OR7E24: variants seen among roughly 807,000 people sequenced by gnomAD.
OR7E24 encodes the protein olfactory receptor 7E24.
For synonymous variants in OR7E24, 130 were observed against 157.5 expected (o/e 0.83, Z 1.31); for missense variants, 385 against 410.3 (o/e 0.94, Z 0.53).
chr19:9,220,175 C>G, the OR7E24 span, among the ~76,000 whole-genome samples: 1 of 152,050 alleles, frequency 6.6e-6, no homozygotes, highest in Non-Finnish European at 1.5e-5. Context: ...CTCACAGAGT[C>G]GTTATCCTGG....
the OR7E24 span, among the ~76,000 whole-genome samples, chr19:9,215,465 G>A: frequency 6.6e-6 from 1 of 151,628 alleles, no homozygotes; most frequent in Non-Finnish European, 1.5e-5. Flanking sequence ...AATAATTAAA[G>A]GTATGTCATG....
the OR7E24 span, among the ~76,000 whole-genome samples, chr19:9,221,141 G>A: frequency 1.3e-5 from 2 of 150,766 alleles, no homozygotes; most frequent in Non-Finnish European, 3.0e-5. Context: ...GCGTGGTGGC[G>A]GGCGCCTGTA....
At chr19:9,226,653 T>G in the OR7E24 span, among the ~76,000 whole-genome samples, 1 of 152,230 alleles carries the variant, frequency 6.6e-6, no homozygotes, top group African/African-American at 2.4e-5. Context: ...GGCTAGCAGA[T>G]ATTTAAGAAT....
chr19:9,213,988 T>C, the OR7E24 span: 6 of 1,614,086 alleles, frequency 3.7e-6, no homozygotes, highest in Non-Finnish European at 4.2e-6. Flanking sequence ...GGGTTCAGCA[T>C]GGGGGTGACC....
the OR7E24 span, chr19:9,219,731 C>T: frequency 9.2e-5 from 14 of 152,198 alleles, no homozygotes; most frequent in Non-Finnish European, 1.6e-4. Context: ...TTTCTTCCCA[C>T]TCTCCAAAGA....
At chr19:9,214,844 G>A in the OR7E24 span, 1 of 1,569,680 alleles carries the variant, frequency 6.4e-7, no homozygotes, top group Non-Finnish European at 8.7e-7. Flanking sequence ...CCATGTAGCT[G>A]TTGTGTCTGC....
At chr19:9,207,308 T>C in the OR7E24 span, 3 of 152,336 alleles carry the variant, frequency 2.0e-5, no homozygotes, top group Non-Finnish European at 4.4e-5. Flanking sequence ...GTTTTCTTTC[T>C]TTTTTTATGA....
the OR7E24 span, chr19:9,208,729 T>C: frequency 1.4e-5 from 2 of 147,248 alleles, no homozygotes; most frequent in Admixed American, 6.8e-5. Context: ...TCTTGCTCTG[T>C]TGCCCAGGCT....
chr19:9,237,337 G>C, the OR7E24 span, among the ~76,000 whole-genome samples: 1 of 151,292 alleles, frequency 6.6e-6, no homozygotes. Flanking sequence ...TTGAGACGGA[G>C]TCTCGCTCTG....
chr19:9,241,005 A>C, the OR7E24 span, among the ~76,000 whole-genome samples: 1 of 151,950 alleles, frequency 6.6e-6, no homozygotes, highest in Non-Finnish European at 1.5e-5. Flanking sequence ...TTTGATGGAG[A>C]TGGGGTTTCA....
the OR7E24 span, among the ~76,000 whole-genome samples, chr19:9,227,010 C>T: frequency 6.6e-6 from 1 of 152,010 alleles, no homozygotes; most frequent in African/African-American, 2.4e-5. Context: ...AGCCTAGTAC[C>T]CATTAGTTAT....
chr19:9,221,349 T>C, the OR7E24 span, among the ~76,000 whole-genome samples: 22 of 82,808 alleles, frequency 2.7e-4, no homozygotes, highest in African/African-American at 1.1e-3. Flanking sequence ...CCTTTTTTTT[T>C]TTTTTTTTTT....
chr19:9,250,925 G>C (rs1340943874), upstream of OR7E24: 1 of 724,686 alleles, frequency 1.4e-6, no homozygotes. Context: ...TAACTCTAAG[G>C]AAATTGGGTT....
At position 9,252,231 on chromosome 19, in the gene OR7E24, C is replaced by T; in HGVS notation, c.*168C>T. On this transcript the variant is annotated 3_prime_UTR_variant, in exon 1 of 1. Coordinates refer to ENST00000456448, the MANE Select transcript of OR7E24 (RefSeq NM_001079935.2). ...GAGTATTCTGGTATCCTTTGTTCATCATACACATCATGAATGATTCCAATA... is the reference window on the plus strand; with the variant it reads ...GAGTATTCTGGTATCCTTTGTTCATTATACACATCATGAATGATTCCAATA... The T allele has an allele frequency of 1.7e-6, 1 of 589,388 alleles. No individual in the cohort carries two copies. The highest frequency in any genetic ancestry group is 3.0e-6 in the Non-Finnish European group (1 of 335,392). The allele number at this position is 589,388 out of a possible 1,614,324, so 36.5% of individuals were successfully genotyped here.
the OR7E24 span, among the ~76,000 whole-genome samples, chr19:9,221,831 A>C: frequency 6.6e-6 from 1 of 151,944 alleles, no homozygotes; most frequent in Non-Finnish European, 1.5e-5. Context: ...GTTTAATGTA[A>C]TTCCATTTGT....
At position 9,250,966 on chromosome 19, in the gene OR7E24, T is replaced by C. The variant is rs2066143621; in HGVS notation, c.-78T>C. 3 of 1,068,420 alleles carry C rather than the reference T, an allele frequency of 2.8e-6. No individual in the cohort carries two copies. The highest frequency in any genetic ancestry group is 2.7e-6 in the Non-Finnish European group (2 of 745,994). 66.2% of individuals were successfully genotyped at this position (1,068,420 alleles called of 1,614,324 possible). On this transcript the variant is annotated 5_prime_UTR_variant, in exon 1 of 1. Transcript: ENST00000456448. ...CAACTGAGAACTATTGCTGAGGGTG[T>C]ATAATCCTATGTGAAAACTTAATTT... is the stretch of plus-strand genomic sequence containing the variant.
the OR7E24 span, among the ~76,000 whole-genome samples, chr19:9,241,096 A>G: frequency 6.6e-6 from 1 of 152,194 alleles, no homozygotes; most frequent in African/African-American, 2.4e-5. Flanking sequence ...GATTACAGGC[A>G]TGAGCCATTG....
chr19:9,218,809 T>C, the OR7E24 span, among the ~76,000 whole-genome samples: 2 of 152,038 alleles, frequency 1.3e-5, no homozygotes, highest in Non-Finnish European at 2.9e-5. Context: ...TTTTTGTTAT[T>C]GTTTAGTAGA....
Position 9,252,223 on chromosome 19 carries a change from T to C in OR7E24, c.*160T>C. 2 of 607,634 alleles carry C rather than the reference T, an allele frequency of 3.3e-6. No individual in the cohort carries two copies. 37.6% of individuals were successfully genotyped at this position (607,634 alleles called of 1,614,324 possible). A position where few individuals can be genotyped will look rare whatever the true frequency, so the allele number is the denominator to read the frequency against. On this transcript the variant is annotated 3_prime_UTR_variant, in exon 1 of 1. Coordinates refer to ENST00000456448, the MANE Select transcript of OR7E24 (RefSeq NM_001079935.2). ...CAATGGGTGAGTATTCTGGTATCCT[T>C]TGTTCATCATACACATCATGAATGA...
Sources: allele counts gnomAD v4.1 joint callset (sites outside exome capture counted in the v4.1 genomes callset), GRCh38; gene constraint gnomAD v4.1.1; transcripts MANE v1.5; gene names NCBI Gene and HGNC (gene_info 2026-07-23, HGNC 2026-07-21).